SLC7A8: variants seen among roughly 807,000 people sequenced by gnomAD.
SLC7A8 encodes the protein solute carrier family 7 member 8, also known as large neutral amino acids transporter small subunit 2.
A neutral mutation model predicts 51.2 loss-of-function variants in SLC7A8; 30 were observed. The observed-to-expected ratio is 0.59, with a 90% CI of 0.44 to 0.80. SLC7A8 has a LOEUF of 0.80. SLC7A8 is among the 30% of genes least tolerant of loss of function. The pLI is 0.00. For missense variants in SLC7A8, 612 were observed against 674.4 expected (o/e 0.91, Z 1.03); for synonymous variants, 257 against 275.8 (o/e 0.93, Z 0.67).
In SLC7A8 at chr14:23,165,484, A is replaced by G; in HGVS notation, c.357-48T>C. ...GCCGAAAGGCATGGCAGGGACGCAG[A>G]GCCATCAGGGGAGAGCCCGGGCAAG... On this transcript the variant is annotated intron_variant, in intron 2 of 10. Transcript: ENST00000316902. The surrounding 1 kb of genome is among the most constrained non-coding windows in gnomAD (Gnocchi z 4.2). The G allele has an allele frequency of 6.5e-7, 1 of 1,549,894 alleles. No individual in the cohort carries two copies. Among genetic ancestry groups the G allele is most frequent in the Middle Eastern group, 1.7e-4 (1 of 5,852 alleles).
chr14:23,178,325 C>T (rs1877011312), intron 1 of SLC7A8, among the ~76,000 whole-genome samples: 1 of 152,152 alleles, frequency 6.6e-6, no homozygotes, highest in Non-Finnish European at 1.5e-5. Flanking sequence ...TAATATGCTG[C>T]CAACAGGTTT....
intron 7 of SLC7A8, among the ~76,000 whole-genome samples, chr14:23,134,096 A>G (rs1278365447): frequency 6.6e-6 from 1 of 152,120 alleles, no homozygotes; most frequent in Admixed American, 6.5e-5. Context: ...GTGCACCACC[A>G]CACCCAAATG....
intron 3 of SLC7A8, among the ~76,000 whole-genome samples, chr14:23,147,164 C>A (rs1198386624): frequency 6.6e-6 from 1 of 151,916 alleles, no homozygotes; most frequent in Non-Finnish European, 1.5e-5. Flanking sequence ...TCCACCCACC[C>A]ATCTATCCAT....
intron 3 of SLC7A8, among the ~76,000 whole-genome samples, chr14:23,148,803 T>G (rs1224372618): frequency 2.0e-5 from 3 of 152,216 alleles, no homozygotes; most frequent in Non-Finnish European, 4.4e-5. Flanking sequence ...AATTCAGGCC[T>G]GCTGACGCTA....
chr14:23,159,848 A>G (rs1463376973), intron 3 of SLC7A8, among the ~76,000 whole-genome samples: 1 of 152,274 alleles, frequency 6.6e-6, no homozygotes, highest in African/African-American at 2.4e-5. Flanking sequence ...GGAAAAAGCT[A>G]GCCTCTTAGG....
Position 23,165,313 on chromosome 14 carries a change from G to C in SLC7A8, c.480C>G (p.Gly160=), listed in dbSNP as rs2048943739. The change falls in exon 3 of 11, where the codon GGC becomes GGG. Residue 160 remains glycine (G), a synonymous_variant. Coordinates refer to ENST00000316902, the MANE Select transcript of SLC7A8 (RefSeq NM_012244.4). The surrounding 1 kb of genome is among the most constrained non-coding windows in gnomAD (Gnocchi z 4.2). ...AGCAGATGGCAGCCAGGAGCCGAAGGCCAGACTCTGGGGGGAAGCAGGTGG... is the reference window on the plus strand; with the variant it reads ...AGCAGATGGCAGCCAGGAGCCGAAGCCCAGACTCTGGGGGGAAGCAGGTGG... ...LFPTCFPPES[G]LRLLAAICLL... is the part of the protein sequence containing the mutation. The C allele has an allele frequency of 1.2e-6, 2 of 1,609,516 alleles. No homozygotes were observed. The highest frequency in any genetic ancestry group is 2.7e-5 in the African/African-American group (2 of 74,596).
At chr14:23,168,657 T>A (rs74346537) in intron 1 of SLC7A8, among the ~76,000 whole-genome samples, 7,283 of 152,272 alleles carry the variant, frequency 0.048, 221 homozygotes, top group Non-Finnish European at 0.071. Flanking sequence ...AGGTGCTTCT[T>A]AGAGCCAAGA....
At chr14:23,166,187 G>A in intron 2 of SLC7A8, 149 bp downstream of exon 2, 1 of 779,726 alleles carries the variant, frequency 1.3e-6, no homozygotes, top group South Asian at 1.7e-5. Context: ...AACCATGGCA[G>A]GAAAGCAGAA....
At chr14:23,167,581 T>A (rs893587250) in intron 1 of SLC7A8, among the ~76,000 whole-genome samples, 1 of 151,496 alleles carries the variant, frequency 6.6e-6, no homozygotes, top group Non-Finnish European at 1.5e-5. Flanking sequence ...AGACGAGGAG[T>A]AAGAGTGTGG....
intron 7 of SLC7A8, among the ~76,000 whole-genome samples, chr14:23,133,310 A>ATGTGCC (rs1202571292): frequency 3.9e-5 from 6 of 151,974 alleles, no homozygotes; most frequent in African/African-American, 1.5e-4. Flanking sequence ...GTGTGGTGGC[A>ATGTGCC]TGTGCCTGTT....
At chr14:23,142,417 T>C (rs2048753895) in intron 4 of SLC7A8, among the ~76,000 whole-genome samples, 1 of 152,222 alleles carries the variant, frequency 6.6e-6, no homozygotes, top group African/African-American at 2.4e-5. Flanking sequence ...CTTTAAGATG[T>C]GGACAAGATT....
Position 23,165,438 on chromosome 14 carries a change from TGAAGGAGGAAA to T in SLC7A8, c.357-13_357-3del. 2 of 1,582,280 alleles carry T rather than the reference TGAAGGAGGAAA, an allele frequency of 1.3e-6. No individual in the cohort carries two copies. The highest frequency in any genetic ancestry group is 1.7e-6 in the Non-Finnish European group (2 of 1,167,574). ...ACAGCAATCCACAGCCTCAGGAACCTGAAGGAGGAAAGGGACATCCGCCGAAAGGCATGGCA... is the reference window on the plus strand; with the variant it reads ...ACAGCAATCCACAGCCTCAGGAACCTGGGACATCCGCCGAAAGGCATGGCA... On this transcript the variant is annotated splice_region_variant and splice_polypyrimidine_tract_variant and intron_variant, in intron 2 of 10. Transcript: ENST00000316902. The surrounding 1 kb of genome is among the most constrained non-coding windows in gnomAD (Gnocchi z 4.2).
At chr14:23,161,936 A>AT (rs2048925994) in intron 3 of SLC7A8, among the ~76,000 whole-genome samples, 1 of 151,456 alleles carries the variant, frequency 6.6e-6, no homozygotes, top group Non-Finnish European at 1.5e-5. Context: ...AAAAAAAAAA[A>AT]AAAAAAAAGC....
At chr14:23,161,860 G>A (rs1369196213) in intron 3 of SLC7A8, among the ~76,000 whole-genome samples, 1 of 150,220 alleles carries the variant, frequency 6.7e-6, no homozygotes, top group African/African-American at 2.5e-5. Flanking sequence ...CCGGGAGGCG[G>A]AGGTTGCAGT....
chr14:23,138,461 A>G (rs936425073), intron 6 of SLC7A8, among the ~76,000 whole-genome samples: 2 of 152,212 alleles, frequency 1.3e-5, no homozygotes, highest in Non-Finnish European at 2.9e-5. Flanking sequence ...AGGCAGATCC[A>G]GGCTCAAATC....
At chr14:23,179,883 G>A (rs1467092522) in intron 1 of SLC7A8, among the ~76,000 whole-genome samples, 2 of 149,714 alleles carry the variant, frequency 1.3e-5, no homozygotes, top group Non-Finnish European at 3.0e-5. Flanking sequence ...GATTCACTTA[G>A]AAAACTTCCT....
At chr14:23,131,220 G>C (rs2048629267) in intron 8 of SLC7A8, among the ~76,000 whole-genome samples, 1 of 152,226 alleles carries the variant, frequency 6.6e-6, no homozygotes, top group East Asian at 1.9e-4. Context: ...AAGGATGGGA[G>C]AACGGAAATA....
chr14:23,140,737 G>A, intron 4 of SLC7A8, 113 bp from the exon 5 acceptor site: 1 of 1,060,008 alleles, frequency 9.4e-7, no homozygotes, highest in Non-Finnish European at 1.4e-6. Context: ...CACCAACTCT[G>A]TCTTGTCTCC....
intron 1 of SLC7A8, among the ~76,000 whole-genome samples, chr14:23,174,403 A>G (rs2048989767): frequency 1.3e-5 from 2 of 152,242 alleles, no homozygotes; most frequent in Non-Finnish European, 2.9e-5. Flanking sequence ...GTCCACCTTC[A>G]GACATTGTGA....
Sources: allele counts gnomAD v4.1 joint callset (sites outside exome capture counted in the v4.1 genomes callset), GRCh38; gene constraint gnomAD v4.1.1; non-coding constraint Gnocchi (gnomAD v3.1); transcripts MANE v1.5; gene names NCBI Gene and HGNC (gene_info 2026-07-23, HGNC 2026-07-21).